Variants in SPATS2 observed in about 807,000 individuals in gnomAD.
SPATS2 encodes spermatogenesis-associated serine-rich protein 2.
SPATS2 carries 38 observed loss-of-function variants against 63.7 expected under a neutral mutation model. That is an observed-to-expected ratio of 0.60 (90% CI 0.46 to 0.78). The LOEUF (loss-of-function observed/expected upper bound fraction) is 0.78, where lower values mean the gene tolerates loss of function less well. Among genes scored for constraint, SPATS2 ranks in the 30% least tolerant of loss-of-function variants. The pLI is 0.00. For missense variants in SPATS2, 588 were observed against 666.2 expected, an observed-to-expected ratio of 0.88 and a Z score of 1.29; for synonymous variants, 207 against 232.9, an observed-to-expected ratio of 0.89 and a Z score of 1.01.
chr12:49,422,367 T>G (rs1944998159), intron 2 of SPATS2, among the ~76,000 whole-genome samples: 1 of 152,196 alleles, frequency 6.6e-6, no homozygotes, highest in Admixed American at 6.5e-5. Context: ...GCAGTAAATG[T>G]TAGTTTCTTA....
At chr12:49,456,921 C>CT (rs1286243285) in intron 2 of SPATS2, among the ~76,000 whole-genome samples, 1 of 151,948 alleles carries the variant, frequency 6.6e-6, no homozygotes, top group Non-Finnish European at 1.5e-5. Context: ...ATTGTTTTCT[C>CT]TGTTTTTTCT....
At chr12:49,423,463 T>A (rs1324964836) in intron 2 of SPATS2, among the ~76,000 whole-genome samples, 1 of 152,136 alleles carries the variant, frequency 6.6e-6, no homozygotes, top group Non-Finnish European at 1.5e-5. Flanking sequence ...CCCTTTATTG[T>A]CAAACAGTTG....
At chr12:49,513,128 T>A (rs1946778423) in intron 9 of SPATS2, among the ~76,000 whole-genome samples, 1 of 152,218 alleles carries the variant, frequency 6.6e-6, no homozygotes, top group Admixed American at 6.5e-5. Flanking sequence ...TTTGTATGTC[T>A]CACACTATAG....
At chr12:49,401,148 C>T (rs1352983286) in intron 2 of SPATS2, among the ~76,000 whole-genome samples, 1 of 152,030 alleles carries the variant, frequency 6.6e-6, no homozygotes, top group Non-Finnish European at 1.5e-5. Flanking sequence ...GTAGCTGGAA[C>T]TATAGCCAAG....
At position 49,383,544 on chromosome 12, in the gene SPATS2, A is replaced by T. The variant is rs117615162; in HGVS notation, c.-244+12254A>T. On this transcript the variant is annotated intron_variant, in intron 2 of 13. Transcript: ENST00000552918. ...TCCCATCTCAGCCTCCCAAGTAGCT[A>T]GGACTACAGGCCATGCTTGCTAATA... Among the ~76,000 whole-genome samples the T allele has an allele frequency of 1.7e-3, 264 of 151,964 alleles. 2 individuals are homozygous for T. The highest frequency in any genetic ancestry group is 4.0e-3 in the Admixed American group (61 of 15,228).
At chr12:49,443,299 A>G (rs1033168601) in intron 2 of SPATS2, among the ~76,000 whole-genome samples, 57 of 152,096 alleles carry the variant, frequency 3.7e-4, no homozygotes, top group African/African-American at 1.3e-3. Context: ...TTGTATGTGG[A>G]TATTCAGTTA....
At chr12:49,481,372 G>A (rs1276419263) in intron 3 of SPATS2, among the ~76,000 whole-genome samples, 1 of 146,348 alleles carries the variant, frequency 6.8e-6, no homozygotes. Context: ...AGAAAAAAAA[G>A]AAAGAAATAA....
At chr12:49,372,190 A>G (rs893459780) in intron 2 of SPATS2, among the ~76,000 whole-genome samples, 8 of 151,988 alleles carry the variant, frequency 5.3e-5, no homozygotes, top group African/African-American at 1.9e-4. Context: ...GACTACAGGC[A>G]TGCACCACCA....
intron 2 of SPATS2, among the ~76,000 whole-genome samples, chr12:49,380,976 G>A (rs1411720545): frequency 2.6e-5 from 4 of 151,444 alleles, no homozygotes; most frequent in Non-Finnish European, 5.9e-5. Context: ...GTTTTCCATA[G>A]CGGCTGTACC....
chr12:49,414,287 C>G lies in SPATS2; in HGVS notation c.-244+42997C>G, dbSNP rs138332723. Among the ~76,000 whole-genome samples, 178 of 152,268 alleles carry G rather than the reference C, an allele frequency of 1.2e-3. 2 individuals carry two copies. In the Middle Eastern group the frequency reaches 0.02, roughly 17 times the overall value. On this transcript the variant is annotated intron_variant, in intron 2 of 13. Coordinates refer to ENST00000552918, the MANE Select transcript of SPATS2 (RefSeq NM_023071.4). ...ATAGAACATGTAGAGCTTAGGTTTC[C>G]TATATGGCTTTTGTGGGACAACACC...
chr12:49,446,053 G>A (rs560726792), intron 2 of SPATS2, among the ~76,000 whole-genome samples: 5 of 151,940 alleles, frequency 3.3e-5, no homozygotes, highest in African/African-American at 1.2e-4. Context: ...ACAGGCACGC[G>A]CCACCACACC....
At chr12:49,520,611 G>C (rs1946924679) in intron 11 of SPATS2, among the ~76,000 whole-genome samples, 2 of 152,136 alleles carry the variant, frequency 1.3e-5, no homozygotes, top group Admixed American at 1.3e-4. Context: ...CATGTACTTG[G>C]TCTTCTGTAA....
intron 2 of SPATS2, among the ~76,000 whole-genome samples, chr12:49,447,932 A>G (rs368705333): frequency 9.0e-4 from 136 of 151,680 alleles, no homozygotes; most frequent in African/African-American, 3.2e-3. Context: ...GTGTTTTTCC[A>G]TATACTCTTT....
intron 11 of SPATS2, among the ~76,000 whole-genome samples, chr12:49,519,834 A>C (rs1244994140): frequency 3.4e-5 from 5 of 146,006 alleles, no homozygotes; most frequent in Non-Finnish European, 7.5e-5. Context: ...TTTTTTTGAG[A>C]CAAAGTCTCG....
intron 2 of SPATS2, among the ~76,000 whole-genome samples, chr12:49,397,583 T>A (rs950902150): frequency 6.6e-6 from 1 of 152,096 alleles, no homozygotes; most frequent in African/African-American, 2.4e-5. Flanking sequence ...ATCCCACAGC[T>A]TTGGCAGGCT....
At chr12:49,372,642 T>C (rs1246701231) in intron 2 of SPATS2, among the ~76,000 whole-genome samples, 2 of 152,114 alleles carry the variant, frequency 1.3e-5, no homozygotes, top group South Asian at 2.1e-4. Flanking sequence ...AAATTTAGGG[T>C]ACTTTTTTCA....
chr12:49,422,630 G>A (rs1297594454), intron 2 of SPATS2, among the ~76,000 whole-genome samples: 2 of 152,152 alleles, frequency 1.3e-5, no homozygotes, highest in Admixed American at 6.6e-5. Context: ...GGTTGGCATG[G>A]TGGCTCACGC....
intron 2 of SPATS2, among the ~76,000 whole-genome samples, chr12:49,377,990 GAGAC>G (rs1200955358): frequency 6.6e-6 from 1 of 151,938 alleles, no homozygotes; most frequent in African/African-American, 2.4e-5. Flanking sequence ...TTTATTTTTT[GAGAC>G]AGAATCTTGC....
intron 2 of SPATS2, among the ~76,000 whole-genome samples, chr12:49,396,118 T>A (rs1174746022): frequency 6.6e-6 from 1 of 152,254 alleles, no homozygotes; most frequent in Non-Finnish European, 1.5e-5. Context: ...ATGTGTATAC[T>A]ATATTTTCTC....
Sources: gnomAD v4.1 joint callset for allele counts (sites outside exome capture counted in the v4.1 genomes callset) on GRCh38, gnomAD v4.1.1 for gene constraint, MANE v1.5 for transcripts, NCBI Gene and HGNC (gene_info 2026-07-23, HGNC 2026-07-21) for gene names.